PARD3B: variants seen among roughly 807,000 people sequenced by gnomAD.
The protein encoded by PARD3B is par-3 family cell polarity regulator beta, also known as partitioning defective 3 homolog B.
In PARD3B, 103 loss-of-function variants were observed where a neutral mutation model predicts 130.2. That is an observed-to-expected ratio of 0.79 (90% confidence interval 0.67 to 0.93). The LOEUF is 0.93. Among genes scored for constraint, PARD3B ranks in the 40% least tolerant of loss-of-function variants. PARD3B has a pLI of 0.00. For missense variants in PARD3B, 1,609 were observed against 1,499.2 expected (o/e 1.07, Z -1.21); for synonymous variants, 583 against 553.2 (o/e 1.05, Z -0.76).
At chr2:204,662,402 A>C (rs1209821049) in intron 1 of PARD3B, among the ~76,000 whole-genome samples, 1 of 152,214 alleles carries the variant, frequency 6.6e-6, no homozygotes, top group Non-Finnish European at 1.5e-5. Context: ...GGCTTACTTT[A>C]TATATTTTCA....
At chr2:204,748,949 A>C (rs1196771559) in intron 2 of PARD3B, among the ~76,000 whole-genome samples, 1 of 152,144 alleles carries the variant, frequency 6.6e-6, no homozygotes, top group Non-Finnish European at 1.5e-5. Flanking sequence ...TTGTTCTTGC[A>C]AACTTGATCA....
At chr2:205,022,423 C>G (rs537450423) in intron 3 of PARD3B, among the ~76,000 whole-genome samples, 63 of 152,226 alleles carry the variant, frequency 4.1e-4, no homozygotes, top group African/African-American at 1.4e-3. Context: ...TCTTAATGGG[C>G]TAGAACAAAA....
intron 1 of PARD3B, among the ~76,000 whole-genome samples, chr2:204,599,640 G>C (rs2033430065): frequency 6.6e-6 from 1 of 151,814 alleles, no homozygotes; most frequent in Non-Finnish European, 1.5e-5. Context: ...AATAGTGCTA[G>C]AATAGACATG....
At chr2:205,507,348 G>A (rs1459880281) in intron 21 of PARD3B, among the ~76,000 whole-genome samples, 1 of 151,582 alleles carries the variant, frequency 6.6e-6, no homozygotes, top group Non-Finnish European at 1.5e-5. Context: ...CCAAGTAACT[G>A]GGACTACAGG....
In PARD3B at chr2:204,559,751, C is replaced by A. The variant is rs140536579; in HGVS notation, c.120+13632C>A. Among the ~76,000 whole-genome samples, 1,241 of 152,268 alleles carry A rather than the reference C, an allele frequency of 8.2e-3. 20 individuals are homozygous for A. Among genetic ancestry groups the A allele is most frequent in the African/African-American group, 0.028 (1,179 of 41,540 alleles). ...GACACATGCACACATATGTTTATGG[C>A]AGCACTATTCACAATAGCAAAGACT... On this transcript the variant is annotated intron_variant, in intron 1 of 22. Coordinates refer to ENST00000406610, the MANE Select transcript of PARD3B (RefSeq NM_001302769.2).
chr2:205,266,509 G>GAT (rs2040509721), intron 16 of PARD3B, among the ~76,000 whole-genome samples: 1 of 152,092 alleles, frequency 6.6e-6, no homozygotes, highest in Non-Finnish European at 1.5e-5. Context: ...CACATATACA[G>GAT]ATATATAGTT....
At chr2:205,390,356 A>G (rs1559046328) in intron 18 of PARD3B, among the ~76,000 whole-genome samples, 1 of 152,006 alleles carries the variant, frequency 6.6e-6, no homozygotes, top group Non-Finnish European at 1.5e-5. Context: ...TTTGGAATAC[A>G]TGGAACATAA....
chr2:205,342,193 ATTGTCT>A (rs1423734603), intron 18 of PARD3B, among the ~76,000 whole-genome samples: 1 of 152,154 alleles, frequency 6.6e-6, no homozygotes, highest in African/African-American at 2.4e-5. Context: ...ATATTTACTG[ATTGTCT>A]TTGATATGCA....
chr2:204,913,111 A>G (rs545044520), intron 2 of PARD3B, among the ~76,000 whole-genome samples: 1 of 152,358 alleles, frequency 6.6e-6, no homozygotes, highest in East Asian at 1.9e-4. Context: ...TGTTCACAGG[A>G]GACACTTTAC....
intron 19 of PARD3B, among the ~76,000 whole-genome samples, chr2:205,437,376 C>G (rs76386997): frequency 3.0e-4 from 45 of 152,156 alleles, no homozygotes; most frequent in African/African-American, 1.0e-3. Flanking sequence ...TATTCCAGAG[C>G]CTTTTAAGGT....
chr2:204,635,106 C>T (rs2034826220), intron 1 of PARD3B, among the ~76,000 whole-genome samples: 1 of 152,156 alleles, frequency 6.6e-6, no homozygotes, highest in Non-Finnish European at 1.5e-5. Context: ...ATCAATTATT[C>T]CCTTTGCTCA....
intron 10 of PARD3B, among the ~76,000 whole-genome samples, chr2:205,139,956 C>T (rs1575924925): frequency 6.6e-6 from 1 of 152,114 alleles, no homozygotes; most frequent in Non-Finnish European, 1.5e-5. Flanking sequence ...GGGTTTCTTG[C>T]AGAAAAGAAT....
At chr2:204,795,107 T>C (rs1363023647) in intron 2 of PARD3B, among the ~76,000 whole-genome samples, 1 of 152,204 alleles carries the variant, frequency 6.6e-6, no homozygotes. Context: ...ATATTTTGTC[T>C]TGCTGGTTAG....
chr2:205,249,443 G>T (rs1331084353), intron 16 of PARD3B, among the ~76,000 whole-genome samples: 1 of 152,008 alleles, frequency 6.6e-6, no homozygotes, highest in South Asian at 2.1e-4. Context: ...TGTTGGTCTG[G>T]CTTGGGTACC....
intron 15 of PARD3B, among the ~76,000 whole-genome samples, chr2:205,245,490 A>T (rs2039533561): frequency 6.6e-6 from 1 of 152,134 alleles, no homozygotes; most frequent in East Asian, 1.9e-4. Flanking sequence ...TCCTCTTGTA[A>T]ATGTGGAAGA....
At position 204,741,767 on chromosome 2, in the gene PARD3B, A is replaced by G. The variant is rs35525119; in HGVS notation, c.222+55485A>G. On this transcript the variant is annotated intron_variant, in intron 2 of 22. Transcript: ENST00000406610. Reference sequence around the variant, plus strand: ...ATTTTAGGGGGCTGTCCCAGTGGGGACACAAGCCATCTGGCCCAGGGATAT... The same window carrying G: ...ATTTTAGGGGGCTGTCCCAGTGGGGGCACAAGCCATCTGGCCCAGGGATAT... 9.3e-3 allele frequency among the ~76,000 whole-genome samples: 1,417 copies of G among 152,246 alleles called. 10 individuals are homozygous for G. Among genetic ancestry groups the G allele is most frequent in the Non-Finnish European group, 0.013 (884 of 68,020 alleles).
At chr2:204,916,335 C>A (rs2047444107) in intron 2 of PARD3B, among the ~76,000 whole-genome samples, 2 of 152,042 alleles carry the variant, frequency 1.3e-5, no homozygotes, top group African/African-American at 4.8e-5. Context: ...CTTTATAGGT[C>A]AATTTTAGAT....
At chr2:204,782,069 A>G (rs778204550) in intron 2 of PARD3B, among the ~76,000 whole-genome samples, 1 of 152,138 alleles carries the variant, frequency 6.6e-6, no homozygotes, top group African/African-American at 2.4e-5. Context: ...TAAAACAACA[A>G]AAGTCACAAA....
At chr2:205,079,034 C>G (rs1435532264) in intron 4 of PARD3B, among the ~76,000 whole-genome samples, 3 of 152,204 alleles carry the variant, frequency 2.0e-5, no homozygotes, top group Non-Finnish European at 4.4e-5. Context: ...GGCTGCCCAG[C>G]TTAGCCTTTC....
Sources: allele counts gnomAD v4.1 joint callset (sites outside exome capture counted in the v4.1 genomes callset), GRCh38; gene constraint gnomAD v4.1.1; transcripts MANE v1.5; gene names NCBI Gene and HGNC (gene_info 2026-07-23, HGNC 2026-07-21).